The following B3GAT2 variants were observed in gnomAD, a reference collection of about 807,000 sequenced individuals.
B3GAT2 encodes the protein galactosylgalactosylxylosylprotein 3-beta-glucuronosyltransferase 2.
In B3GAT2, 26 loss-of-function variants were observed where a neutral mutation model predicts 27.8. The ratio of observed to expected loss-of-function variants is 0.93; its 90% CI spans 0.68 to 1.30. The LOEUF is 1.30. Ranked by LOEUF, B3GAT2 falls within the 50% of genes most tolerant of loss-of-function variation. The pLI, the probability that B3GAT2 is intolerant of heterozygous loss-of-function variation, is 0.00. For synonymous variants in B3GAT2, 218 were observed against 195.1 expected, an observed-to-expected ratio of 1.12 and a Z score of -0.98; for missense variants, 458 against 459.0, an observed-to-expected ratio of 1.00 and a Z score of 0.02.
chr6:70,890,619 G>T (rs1772271876), intron 2 of B3GAT2, among the ~76,000 whole-genome samples: 1 of 152,210 alleles, frequency 6.6e-6, no homozygotes, highest in Admixed American at 6.5e-5. Flanking sequence ...GAGATTGTGG[G>T]AAACATCCAG....
At chr6:70,944,753 C>G (rs1424004033) in intron 1 of B3GAT2, among the ~76,000 whole-genome samples, 2 of 152,218 alleles carry the variant, frequency 1.3e-5, no homozygotes, top group Admixed American at 1.3e-4. Flanking sequence ...GATCTGAGAA[C>G]AGGCAGACTG....
intron 2 of B3GAT2, 90 bp downstream of exon 2, chr6:70,894,038 T>G: frequency 7.3e-7 from 1 of 1,373,974 alleles, no homozygotes; most frequent in African/African-American, 1.4e-5. Context: ...CAAATTTGTC[T>G]TTTAAAGCTT....
At chr6:70,863,727 A>G (rs1771803782) in intron 2 of B3GAT2, among the ~76,000 whole-genome samples, 1 of 152,218 alleles carries the variant, frequency 6.6e-6, no homozygotes, top group South Asian at 2.1e-4. Context: ...ACTGTTCAAA[A>G]GATACTACAA....
At chr6:70,914,883 T>C (rs1201568052) in intron 1 of B3GAT2, among the ~76,000 whole-genome samples, 2 of 152,222 alleles carry the variant, frequency 1.3e-5, no homozygotes, top group Admixed American at 6.5e-5. Flanking sequence ...CATGTGTCCT[T>C]ATAGTAGAAT....
chr6:70,950,105 A>G (rs1281354703), intron 1 of B3GAT2, among the ~76,000 whole-genome samples: 1 of 151,894 alleles, frequency 6.6e-6, no homozygotes, highest in East Asian at 1.9e-4. Flanking sequence ...CCTAATGCTA[A>G]AAGACGAGTT....
At chr6:70,885,580 C>T (rs1029824040) in intron 2 of B3GAT2, among the ~76,000 whole-genome samples, 5 of 152,176 alleles carry the variant, frequency 3.3e-5, no homozygotes, top group East Asian at 1.9e-4. Flanking sequence ...CAGGTCCACC[C>T]GCCAGAAGAG....
intron 1 of B3GAT2, among the ~76,000 whole-genome samples, chr6:70,946,377 T>A (rs1370025510): frequency 1.3e-5 from 2 of 151,804 alleles, no homozygotes; most frequent in East Asian, 1.9e-4. Flanking sequence ...AATAAAAGGA[T>A]GGAAGAAGAT....
chr6:70,916,386 T>G (rs931917918), intron 1 of B3GAT2, among the ~76,000 whole-genome samples: 16 of 152,226 alleles, frequency 1.1e-4, no homozygotes, highest in African/African-American at 3.9e-4. Context: ...TGAATACCAT[T>G]TATTTATTTC....
intron 2 of B3GAT2, among the ~76,000 whole-genome samples, chr6:70,881,299 A>T (rs958215183): frequency 6.6e-6 from 1 of 152,206 alleles, no homozygotes; most frequent in South Asian, 2.1e-4. Flanking sequence ...TTATGATGCC[A>T]CATCTTTTAA....
At chr6:70,933,598 T>G (rs1439398224) in intron 1 of B3GAT2, among the ~76,000 whole-genome samples, 1 of 152,206 alleles carries the variant, frequency 6.6e-6, no homozygotes, top group Non-Finnish European at 1.5e-5. Context: ...TATAAAAATC[T>G]TCCCAAACTG....
At chr6:70,936,344 C>T (rs991162029) in intron 1 of B3GAT2, among the ~76,000 whole-genome samples, 14 of 152,042 alleles carry the variant, frequency 9.2e-5, no homozygotes, top group African/African-American at 2.7e-4. Flanking sequence ...GACAGATCAA[C>T]GAGACAGAAA....
At chr6:70,920,359 C>A (rs1464585971) in intron 1 of B3GAT2, among the ~76,000 whole-genome samples, 2 of 152,184 alleles carry the variant, frequency 1.3e-5, no homozygotes. Context: ...AAGGGAAATC[C>A]CCTGACCCCT....
At chr6:70,880,917 C>G (rs910689106) in intron 2 of B3GAT2, among the ~76,000 whole-genome samples, 17 of 152,132 alleles carry the variant, frequency 1.1e-4, no homozygotes, top group African/African-American at 4.1e-4. Flanking sequence ...GATTCTCCTG[C>G]CTTCGCCTTC....
intron 1 of B3GAT2, among the ~76,000 whole-genome samples, chr6:70,906,163 T>A (rs577085815): frequency 6.6e-6 from 1 of 152,332 alleles, no homozygotes; most frequent in African/African-American, 2.4e-5. Context: ...ACCAACGATC[T>A]ATCTCCTATT....
intron 2 of B3GAT2, among the ~76,000 whole-genome samples, chr6:70,872,556 T>C (rs976905462): frequency 1.3e-5 from 2 of 151,392 alleles, no homozygotes; most frequent in Admixed American, 1.3e-4. Context: ...TTTTTTCTCT[T>C]CTCTTGCTTT....
At position 70,860,094 on chromosome 6, in the gene B3GAT2, G is replaced by A; in HGVS notation, c.*1569C>T. 7.9e-7 allele frequency: 1 copy of A among 1,268,480 alleles called. No homozygotes were observed. Among genetic ancestry groups the A allele is most frequent in the Non-Finnish European group, 1.1e-6 (1 of 931,990 alleles). 78.6% of individuals were successfully genotyped at this position (1,268,480 alleles called of 1,614,324 possible). ...GTACTCTGTTTTTATTCCAGTGCTT[G>A]GACTAGTTGTCACATTAATGAAAAA... On this transcript the variant is annotated 3_prime_UTR_variant, in exon 4 of 4. Coordinates refer to ENST00000230053, the MANE Select transcript of B3GAT2 (RefSeq NM_080742.3).
chr6:70,918,478 T>C (rs1772813132), intron 1 of B3GAT2, among the ~76,000 whole-genome samples: 1 of 152,220 alleles, frequency 6.6e-6, no homozygotes, highest in Admixed American at 6.5e-5. Context: ...TGATGCAGTT[T>C]CTTCATAGCA....
At chr6:70,937,818 A>G (rs925586024) in intron 1 of B3GAT2, among the ~76,000 whole-genome samples, 2 of 152,184 alleles carry the variant, frequency 1.3e-5, no homozygotes. Flanking sequence ...CAAAAACTGG[A>G]GGCATTCCCT....
intron 1 of B3GAT2, among the ~76,000 whole-genome samples, chr6:70,941,896 C>G (rs1338958513): frequency 1.3e-5 from 2 of 152,130 alleles, no homozygotes; most frequent in Non-Finnish European, 2.9e-5. Context: ...CCCTGGTATT[C>G]TAGTGGGAGA....
Sources: allele counts gnomAD v4.1 joint callset (sites outside exome capture counted in the v4.1 genomes callset), GRCh38; gene constraint gnomAD v4.1.1; transcripts MANE v1.5; gene names NCBI Gene and HGNC (gene_info 2026-07-23, HGNC 2026-07-21).